Variants in BLTP1 observed in about 807,000 individuals in gnomAD.
BLTP1 encodes fragile site-associated protein.
chr4:122,164,832 T>C, the BLTP1 span, among the ~76,000 whole-genome samples: 1 of 152,170 alleles, frequency 6.6e-6, no homozygotes, highest in African/African-American at 2.4e-5. Flanking sequence ...GTAAAGCTTC[T>C]TCTTGTGTTT....
chr4:122,156,604 G>A, the BLTP1 span, among the ~76,000 whole-genome samples: 1 of 152,226 alleles, frequency 6.6e-6, no homozygotes, highest in Admixed American at 6.5e-5. Context: ...TGTTGAAATA[G>A]CTAATGTCAT....
the BLTP1 span, chr4:122,291,674 A>G: frequency 1.1e-6 from 1 of 943,744 alleles, no homozygotes. Flanking sequence ...AGAATAGACT[A>G]TTTTTAATGT....
the BLTP1 span, chr4:122,237,231 G>T: frequency 1.0e-6 from 1 of 985,296 alleles, no homozygotes; most frequent in East Asian, 1.1e-4. Flanking sequence ...GGAGGGGGAA[G>T]TTGAGCAAGA....
chr4:122,192,407 A>C, the BLTP1 span: 2 of 1,455,052 alleles, frequency 1.4e-6, no homozygotes, highest in Non-Finnish European at 1.9e-6. Flanking sequence ...ATTTCTAATA[A>C]GTTTTTTAGA....
the BLTP1 span, chr4:122,196,686 T>C: frequency 6.2e-7 from 1 of 1,611,628 alleles, no homozygotes. Context: ...TTCTGAAAGT[T>C]TCTGAAATTG....
At chr4:122,300,189 T>G in the BLTP1 span, among the ~76,000 whole-genome samples, 1 of 152,038 alleles carries the variant, frequency 6.6e-6, no homozygotes, top group Non-Finnish European at 1.5e-5. Flanking sequence ...TTTTTATTTT[T>G]AGTAGAGATG....
chr4:122,211,925 A>G, the BLTP1 span: 1 of 179,352 alleles, frequency 5.6e-6, no homozygotes, highest in Non-Finnish European at 1.1e-5. Flanking sequence ...ATCCTTACTT[A>G]TCACCTTTGC....
At chr4:122,287,709 T>G in the BLTP1 span, 27 of 985,180 alleles carry the variant, frequency 2.7e-5, no homozygotes, top group Non-Finnish European at 3.3e-5. Flanking sequence ...AAGTCTGATT[T>G]ACCTTCTTAG....
At chr4:122,200,168 TATAA>T in the BLTP1 span, 1 of 908,580 alleles carries the variant, frequency 1.1e-6, no homozygotes, top group African/African-American at 1.8e-5. Flanking sequence ...TATAAAATAC[TATAA>T]ATATACCTTA....
chr4:122,306,326 C>T, the BLTP1 span, among the ~76,000 whole-genome samples: 1 of 152,004 alleles, frequency 6.6e-6, no homozygotes, highest in Non-Finnish European at 1.5e-5. Flanking sequence ...AATTAATGCA[C>T]CCATTTGTGT....
chr4:122,224,784 C>T, the BLTP1 span: 1 of 1,590,194 alleles, frequency 6.3e-7, no homozygotes, highest in East Asian at 2.3e-5. Flanking sequence ...TGCATTTCCA[C>T]TGATGGCATT....
the BLTP1 span, chr4:122,355,879 AGAG>A: frequency 1.2e-6 from 2 of 1,612,938 alleles, no homozygotes; most frequent in Non-Finnish European, 1.7e-6. Flanking sequence ...GAGTGGATTC[AGAG>A]GAGGTTCTAG....
the BLTP1 span, chr4:122,269,751 C>A: frequency 1.1e-6 from 1 of 886,496 alleles, no homozygotes; most frequent in Non-Finnish European, 1.4e-6. Flanking sequence ...AGTTACTAAA[C>A]ATTTAGCATT....
chr4:122,207,690 A>C, the BLTP1 span: 2 of 1,411,974 alleles, frequency 1.4e-6, no homozygotes, highest in South Asian at 1.2e-5. Flanking sequence ...AGTAAATTTG[A>C]TTTCCCAAAG....
At chr4:122,298,639 T>A in the BLTP1 span, 1 of 472,974 alleles carries the variant, frequency 2.1e-6, no homozygotes, top group Non-Finnish European at 2.8e-6. Flanking sequence ...AAAATTTTAC[T>A]TACTTCTGTT....
chr4:122,239,439 A>G, the BLTP1 span: 21 of 1,195,820 alleles, frequency 1.8e-5, no homozygotes, highest in Non-Finnish European at 2.4e-5. Context: ...TACTAAAAGG[A>G]TTTTTATTGA....
chr4:122,352,613 G>C, the BLTP1 span, among the ~76,000 whole-genome samples: 1 of 152,106 alleles, frequency 6.6e-6, no homozygotes, highest in African/African-American at 2.4e-5. Context: ...ACCCGCTACG[G>C]CTTCCAAAAG....
the BLTP1 span, chr4:122,314,095 G>A: frequency 1.0e-6 from 1 of 982,268 alleles, no homozygotes; most frequent in Non-Finnish European, 1.2e-6. Context: ...GGAGAATACT[G>A]GGATCAGAGA....
the BLTP1 span, chr4:122,310,913 G>C: frequency 2.1e-6 from 2 of 938,314 alleles, no homozygotes; most frequent in Non-Finnish European, 2.5e-6. Flanking sequence ...TTATCCAAAA[G>C]ACCAGTATCA....
Sources: gnomAD v4.1 joint callset for allele counts (sites outside exome capture counted in the v4.1 genomes callset) on GRCh38, gnomAD v4.1.1 for gene constraint, MANE v1.5 for transcripts, NCBI Gene and HGNC (gene_info 2026-07-23, HGNC 2026-07-21) for gene names.